Variants in NRXN3 observed in about 807,000 individuals in gnomAD.
The protein encoded by NRXN3 is neurexin 3.
A neutral mutation model predicts 137.6 loss-of-function variants in NRXN3; 32 were observed. The observed-to-expected ratio is 0.23, with a 90% CI of 0.18 to 0.31. The LOEUF is 0.31. Among genes scored for constraint, NRXN3 ranks in the 10% least tolerant of loss-of-function variants. The pLI, the probability that NRXN3 is intolerant of heterozygous loss-of-function variation, is 1.00. For missense variants in NRXN3, 1,574 were observed against 2,062.5 expected (o/e 0.76, Z 4.59); for synonymous variants, 798 against 784.5 (o/e 1.02, Z -0.29).
intron 2 of NRXN3, among the ~76,000 whole-genome samples, chr14:78,275,453 G>A (rs983838692): frequency 6.6e-6 from 1 of 152,128 alleles, no homozygotes; most frequent in Non-Finnish European, 1.5e-5. Flanking sequence ...TAGATGAGGG[G>A]GTAGAGCTAG....
At chr14:78,531,442 A>G (rs2096460235) in intron 4 of NRXN3, among the ~76,000 whole-genome samples, 2 of 152,248 alleles carry the variant, frequency 1.3e-5, no homozygotes, top group South Asian at 4.1e-4. Flanking sequence ...ATGGAAGGGC[A>G]GGAGCTGAAA....
intron 19 of NRXN3, among the ~76,000 whole-genome samples, chr14:79,719,234 C>T (rs548021726): frequency 1.7e-3 from 260 of 149,740 alleles, no homozygotes; most frequent in Non-Finnish European, 2.6e-3. Flanking sequence ...AATATCATCC[C>T]GTCATCATAG....
intron 16 of NRXN3, among the ~76,000 whole-genome samples, chr14:79,545,063 G>C (rs149869609): frequency 0.013 from 1,955 of 152,218 alleles, 38 homozygotes; most frequent in African/African-American, 0.045. Context: ...TATTTGACTG[G>C]ATTTTTTGGT....
intron 16 of NRXN3, among the ~76,000 whole-genome samples, chr14:79,597,601 A>G (rs2097872252): frequency 6.6e-6 from 1 of 152,168 alleles, no homozygotes; most frequent in Admixed American, 6.5e-5. Flanking sequence ...TTGTTACCAT[A>G]CGCAAACTTT....
At chr14:79,401,079 T>G (rs770265675) in intron 15 of NRXN3, among the ~76,000 whole-genome samples, 8 of 152,208 alleles carry the variant, frequency 5.3e-5, no homozygotes, top group African/African-American at 1.2e-4. Context: ...AGGGAACTAG[T>G]GTCCAGTCTA....
At chr14:79,820,820 T>C (rs1030328550) in intron 20 of NRXN3, among the ~76,000 whole-genome samples, 1 of 152,142 alleles carries the variant, frequency 6.6e-6, no homozygotes, top group Non-Finnish European at 1.5e-5. Context: ...TATGAAAGAC[T>C]CATATATAAA....
chr14:79,795,296 A>C (rs2099157776), intron 19 of NRXN3, among the ~76,000 whole-genome samples: 1 of 152,180 alleles, frequency 6.6e-6, no homozygotes, highest in African/African-American at 2.4e-5. Flanking sequence ...GGGAATAAGG[A>C]TGTGACTTCT....
At chr14:78,973,030 G>T (rs1156895950) in intron 14 of NRXN3, 1 of 152,108 alleles carries the variant, frequency 6.6e-6, no homozygotes, top group Non-Finnish European at 1.5e-5. Context: ...CAATTGTGGG[G>T]AGGTGGCTGA....
At chr14:79,074,443 G>C (rs1172221851) in intron 15 of NRXN3, 1 of 152,174 alleles carries the variant, frequency 6.6e-6, no homozygotes, top group Non-Finnish European at 1.5e-5. Flanking sequence ...CTGGTCCAGA[G>C]GTCGGTAGTC....
chr14:78,230,876 A>T (rs774828990), intron 1 of NRXN3, among the ~76,000 whole-genome samples: 34 of 152,064 alleles, frequency 2.2e-4, no homozygotes, highest in Non-Finnish European at 4.1e-4. Flanking sequence ...TGGATGAGGG[A>T]GTGATGACTT....
intron 15 of NRXN3, among the ~76,000 whole-genome samples, chr14:78,997,556 A>G (rs747568913): frequency 5.3e-5 from 8 of 152,234 alleles, no homozygotes; most frequent in Non-Finnish European, 7.3e-5. Flanking sequence ...AAAGATCTAA[A>G]TTACTTTACT....
At chr14:79,468,395 T>C (rs2096457531) in intron 16 of NRXN3, among the ~76,000 whole-genome samples, 1 of 152,148 alleles carries the variant, frequency 6.6e-6, no homozygotes, top group African/African-American at 2.4e-5. Flanking sequence ...TTGTTCTCAT[T>C]AGTTAGCAAT....
At chr14:79,088,855 T>G (rs972675597) in intron 15 of NRXN3, among the ~76,000 whole-genome samples, 2 of 152,192 alleles carry the variant, frequency 1.3e-5, no homozygotes, top group African/African-American at 4.8e-5. Context: ...CTATTTAATT[T>G]TAAAAGACAC....
chr14:79,813,795 C>T (rs1370017093), intron 20 of NRXN3, among the ~76,000 whole-genome samples: 1 of 151,962 alleles, frequency 6.6e-6, no homozygotes, highest in African/African-American at 2.4e-5. Context: ...TTTACTTTCC[C>T]CTTTATGACA....
chr14:78,837,793 G>A lies in NRXN3; in HGVS notation c.2275+27449G>A, dbSNP rs146387422. Among the ~76,000 whole-genome samples, 24 of 152,214 alleles carry A rather than the reference G, an allele frequency of 1.6e-4. No individual in the cohort carries two copies. In the East Asian group the frequency reaches 4.1e-3, roughly 26 times the overall value. ...ATCTTTAGTGAAAAGCCACCTTTGC[G>A]TGTTGTTATGCCACATTACAGTGTT... On this transcript the variant is annotated intron_variant, in intron 10 of 20. Coordinates refer to ENST00000335750, the MANE Select transcript of NRXN3 (RefSeq NM_001330195.2).
intron 20 of NRXN3, among the ~76,000 whole-genome samples, chr14:79,817,670 C>G (rs1000253691): frequency 6.6e-6 from 1 of 152,102 alleles, no homozygotes; most frequent in African/African-American, 2.4e-5. Flanking sequence ...TGAACCCAAG[C>G]CAACTGCCCC....
At chr14:79,319,623 G>A (rs765599441) in intron 15 of NRXN3, among the ~76,000 whole-genome samples, 2 of 152,198 alleles carry the variant, frequency 1.3e-5, no homozygotes, top group Non-Finnish European at 2.9e-5. Flanking sequence ...GGTGTGAGAT[G>A]TGGTCTTCTA....
At chr14:78,691,901 T>C (rs1202096616) in intron 6 of NRXN3, among the ~76,000 whole-genome samples, 1 of 151,906 alleles carries the variant, frequency 6.6e-6, no homozygotes, top group African/African-American at 2.4e-5. Flanking sequence ...CCCTTTATGA[T>C]GAAAGAAAAC....
At chr14:79,356,420 C>T (rs2093424693) in intron 15 of NRXN3, among the ~76,000 whole-genome samples, 1 of 152,146 alleles carries the variant, frequency 6.6e-6, no homozygotes, top group South Asian at 2.1e-4. Flanking sequence ...AACTTTCTCC[C>T]AGCTCCTGGT....
Sources: gnomAD v4.1 joint callset for allele counts (sites outside exome capture counted in the v4.1 genomes callset) on GRCh38, gnomAD v4.1.1 for gene constraint, MANE v1.5 for transcripts, NCBI Gene and HGNC (gene_info 2026-07-23, HGNC 2026-07-21) for gene names.